The following CGGBP1 variants were observed in gnomAD, a reference collection of about 807,000 sequenced individuals.
The protein encoded by CGGBP1 is CGG triplet repeat-binding protein 1.
A neutral mutation model predicts 11.4 loss-of-function variants in CGGBP1; 4 were observed. The observed-to-expected ratio is 0.35, with a 90% confidence interval of 0.17 to 0.80. The LOEUF (loss-of-function observed/expected upper bound fraction) is 0.80. Among genes scored for constraint, CGGBP1 ranks in the 30% least tolerant of loss-of-function variants. CGGBP1 has a pLI of 0.52. For missense variants in CGGBP1, 135 were observed against 202.1 expected, an observed-to-expected ratio of 0.67 and a Z score of 2.01; for synonymous variants, 76 against 74.1, an observed-to-expected ratio of 1.03 and a Z score of -0.13.
At chr3:88,122,035 A>G (rs1241281817) in intron 2 of CGGBP1, among the ~76,000 whole-genome samples, 1 of 152,212 alleles carries the variant, frequency 6.6e-6, no homozygotes, top group African/African-American at 2.4e-5. Context: ...TCAACACTTA[A>G]GATAGTAATG....
At chr3:88,059,644 C>T, upstream of CGGBP1, 12 of 1,299,340 alleles carry the variant, frequency 9.2e-6, no homozygotes, top group Non-Finnish European at 1.2e-5. Flanking sequence ...GAAGCTCCCT[C>T]CTCCACTTAT....
intron 2 of CGGBP1, chr3:88,140,144 G>A (rs770042257): frequency 1.1e-5 from 17 of 1,613,740 alleles, no homozygotes; most frequent in South Asian, 4.4e-5. Flanking sequence ...GCAACGAGTC[G>A]TTTAAGCTGC....
upstream of CGGBP1, chr3:88,059,126 G>T: frequency 2.8e-6 from 3 of 1,056,224 alleles, no homozygotes; most frequent in African/African-American, 1.6e-5. Context: ...GAACATGATT[G>T]GCAGCTTGCG....
At chr3:88,144,270 T>C (rs1261849922) in intron 1 of CGGBP1, 1 of 152,388 alleles carries the variant, frequency 6.6e-6, no homozygotes, top group Non-Finnish European at 1.5e-5. Context: ...AAATAATTTA[T>C]ATCATTGAAC....
intron 2 of CGGBP1, chr3:88,086,368 G>C: frequency 6.5e-7 from 1 of 1,535,452 alleles, no homozygotes; most frequent in Non-Finnish European, 8.7e-7. Context: ...AGATGAATGT[G>C]AGCATGTACA....
upstream of CGGBP1, among the ~76,000 whole-genome samples, chr3:88,060,090 A>G (rs554355724): frequency 1.3e-5 from 2 of 152,196 alleles, no homozygotes; most frequent in East Asian, 3.9e-4. Flanking sequence ...TTTTTCGGAC[A>G]GAGAGTGCGT....
chr3:88,088,761 T>TGGATGGATGGATGG (rs1559701696), intron 2 of CGGBP1, among the ~76,000 whole-genome samples: 9 of 126,428 alleles, frequency 7.1e-5, no homozygotes, highest in Non-Finnish European at 1.2e-4. Flanking sequence ...TGTATGTATG[T>TGGATGGATGGATGG]ATGGATGGAT....
chr3:88,096,251 T>A (rs1409571127), intron 2 of CGGBP1, among the ~76,000 whole-genome samples: 1 of 151,920 alleles, frequency 6.6e-6, no homozygotes, highest in African/African-American at 2.4e-5. Context: ...ACCTGAACAT[T>A]GGCAATTGTG....
At chr3:88,071,694 T>C (rs1230859786) in intron 2 of CGGBP1, among the ~76,000 whole-genome samples, 2 of 150,778 alleles carry the variant, frequency 1.3e-5, no homozygotes, top group South Asian at 2.1e-4. Context: ...ATCTCAGCTA[T>C]TCAGGAGGAT....
At chr3:88,107,053 C>A (rs1704786544) in intron 2 of CGGBP1, among the ~76,000 whole-genome samples, 1 of 152,166 alleles carries the variant, frequency 6.6e-6, no homozygotes, top group Admixed American at 6.5e-5. Context: ...TCTCTTGTTT[C>A]ATGTTTGCCA....
At chr3:88,126,320 C>A in intron 2 of CGGBP1, 1 of 1,392,782 alleles carries the variant, frequency 7.2e-7, no homozygotes, top group South Asian at 1.7e-5. Context: ...AGCAAATACA[C>A]TTTCATTTAC....
upstream of CGGBP1, chr3:88,059,135 C>A: frequency 8.8e-7 from 1 of 1,135,172 alleles, no homozygotes; most frequent in Non-Finnish European, 1.2e-6. Flanking sequence ...TGGCAGCTTG[C>A]GTCTTCCAAT....
intron 2 of CGGBP1, among the ~76,000 whole-genome samples, chr3:88,072,199 TCTAA>T (rs1415255462): frequency 6.6e-6 from 1 of 152,194 alleles, no homozygotes; most frequent in Non-Finnish European, 1.5e-5. Flanking sequence ...AAAAGGCATA[TCTAA>T]CTATTATTTC....
upstream of CGGBP1, chr3:88,059,232 G>T (rs1447718509): frequency 6.6e-7 from 1 of 1,515,866 alleles, no homozygotes; most frequent in Non-Finnish European, 8.8e-7. Flanking sequence ...AAGGGGGAGG[G>T]AACTAGAGAG....
At chr3:88,076,448 T>G (rs1707806046) in intron 2 of CGGBP1, among the ~76,000 whole-genome samples, 1 of 152,168 alleles carries the variant, frequency 6.6e-6, no homozygotes, top group Non-Finnish European at 1.5e-5. Context: ...ATCTGTCTAG[T>G]CTAGCCTCTA....
At chr3:88,075,720 G>C (rs1398344953) in intron 2 of CGGBP1, among the ~76,000 whole-genome samples, 3 of 152,054 alleles carry the variant, frequency 2.0e-5, no homozygotes, top group African/African-American at 7.2e-5. Flanking sequence ...GTTTACATTT[G>C]AGCCTGTTAT....
chr3:88,146,714 CACT>C (rs1158069175), intron 1 of CGGBP1, among the ~76,000 whole-genome samples: 1 of 152,164 alleles, frequency 6.6e-6, no homozygotes, highest in African/African-American at 2.4e-5. Flanking sequence ...ATGCATTTGT[CACT>C]ACTATTCCCG....
chr3:88,085,676 T>C (rs1708302436), intron 2 of CGGBP1, among the ~76,000 whole-genome samples: 1 of 152,154 alleles, frequency 6.6e-6, no homozygotes, highest in Non-Finnish European at 1.5e-5. Context: ...ACTAATGCAT[T>C]GAGAAGGAAG....
chr3:88,125,272 C>CCAAAAAG (rs1706031225), intron 2 of CGGBP1, among the ~76,000 whole-genome samples: 2 of 150,848 alleles, frequency 1.3e-5, no homozygotes, highest in Non-Finnish European at 3.0e-5. Context: ...ATGTAATGAG[C>CCAAAAAG]CAAAAAGCAT....
Sources: allele counts gnomAD v4.1 joint callset (sites outside exome capture counted in the v4.1 genomes callset), GRCh38; gene constraint gnomAD v4.1.1; transcripts MANE v1.5; gene names NCBI Gene and HGNC (gene_info 2026-07-23, HGNC 2026-07-21).